The following KATNIP variants were observed in gnomAD, a reference collection of about 807,000 sequenced individuals.
KATNIP encodes katanin-interacting protein.
In KATNIP, 126 loss-of-function variants were observed where a neutral mutation model predicts 174.0. The ratio of observed to expected loss-of-function variants is 0.72; its 90% CI spans 0.63 to 0.84. KATNIP has a LOEUF of 0.84. KATNIP is among the 40% of genes least tolerant of loss of function. KATNIP has a pLI of 0.00. For missense variants in KATNIP, 1,958 were observed against 2,109.7 expected (o/e 0.93, Z 1.41); for synonymous variants, 810 against 835.7 (o/e 0.97, Z 0.53).
chr16:27,692,868 A>C (rs2078784816), intron 8 of KATNIP, among the ~76,000 whole-genome samples: 1 of 152,206 alleles, frequency 6.6e-6, no homozygotes, highest in Non-Finnish European at 1.5e-5. Flanking sequence ...AGAAGCTCAC[A>C]GCATAGTGCA....
intron 12 of KATNIP, among the ~76,000 whole-genome samples, chr16:27,707,572 G>A (rs927124779): frequency 6.6e-6 from 1 of 152,242 alleles, no homozygotes; most frequent in Non-Finnish European, 1.5e-5. Flanking sequence ...CAACCAGGCC[G>A]AGGGATGTCA....
chr16:27,757,723 C>T (rs556226986), intron 18 of KATNIP, among the ~76,000 whole-genome samples: 2 of 152,308 alleles, frequency 1.3e-5, no homozygotes, highest in South Asian at 4.1e-4. Context: ...CTCTCTGAAC[C>T]TTTGGCTTTT....
chr16:27,687,241 A>C (rs1396663570), intron 8 of KATNIP: 1 of 152,064 alleles, frequency 6.6e-6, no homozygotes, highest in Non-Finnish European at 1.5e-5. Flanking sequence ...TCTCCAGTCT[A>C]CTATATCCCT....
At chr16:27,558,596 G>A (rs1212940266) in intron 1 of KATNIP, among the ~76,000 whole-genome samples, 1 of 152,218 alleles carries the variant, frequency 6.6e-6, no homozygotes, top group Non-Finnish European at 1.5e-5. Flanking sequence ...CTTTCCCAAA[G>A]CAGTGTGGCC....
intron 5 of KATNIP, among the ~76,000 whole-genome samples, chr16:27,636,682 C>G (rs1354081380): frequency 6.6e-6 from 1 of 152,024 alleles, no homozygotes; most frequent in Non-Finnish European, 1.5e-5. Flanking sequence ...GCTGAGTAAC[C>G]TCTCTGAGCT....
chr16:27,678,133 C>A, intron 7 of KATNIP, 137 bp downstream of exon 7: 1 of 975,258 alleles, frequency 1.0e-6, no homozygotes, highest in South Asian at 1.7e-5. Flanking sequence ...TCAGTCAGGT[C>A]TCTGTTGATT....
At chr16:27,615,026 A>G (rs1223872663) in intron 2 of KATNIP, among the ~76,000 whole-genome samples, 2 of 152,342 alleles carry the variant, frequency 1.3e-5, no homozygotes, top group Non-Finnish European at 2.9e-5. Context: ...ACCTTCCACA[A>G]TTGAGGGCAC....
chr16:27,632,934 G>C (rs1356073468), intron 5 of KATNIP, among the ~76,000 whole-genome samples: 1 of 151,966 alleles, frequency 6.6e-6, no homozygotes, highest in Admixed American at 6.6e-5. Context: ...ATTTTTAATA[G>C]AGACTGGGTT....
Position 27,750,200 on chromosome 16 carries a change from A to T in KATNIP, c.3240A>T (p.Lys1080Asn), listed in dbSNP as rs2081451228. 2 of 1,613,916 alleles carry T rather than the reference A, an allele frequency of 1.2e-6. No individual in the cohort carries two copies. Among genetic ancestry groups the T allele is most frequent in the African/African-American group, 2.7e-5 (2 of 74,858 alleles). ...VALIRIWNYN[K>N]SRIHSFRGVK... The stretch of plus-strand genomic sequence containing the variant: ...TGATCAGAATTTGGAACTACAATAA[A>T]TCTCGGATACATTCCTTCCGAGGCG... Residue 1080 changes from lysine to asparagine, a missense_variant, in exon 16 of 28, where the codon AAA (lysine) becomes AAT (asparagine). By Grantham distance (94) the Lys-to-Asn change is moderately conservative. Transcript: ENST00000261588.
At chr16:27,678,659 A>G (rs533567325) in intron 7 of KATNIP, among the ~76,000 whole-genome samples, 9 of 152,240 alleles carry the variant, frequency 5.9e-5, no homozygotes. Flanking sequence ...ACACGGGGTC[A>G]CATGCTGTCT....
At chr16:27,752,100 A>G (rs2081543957) in intron 17 of KATNIP, among the ~76,000 whole-genome samples, 176 bp downstream of exon 17, 1 of 152,054 alleles carries the variant, frequency 6.6e-6, no homozygotes. Context: ...TCATTCTCTA[A>G]TTATTTTTAT....
chr16:27,741,004 A>T (rs929828281), intron 15 of KATNIP, 84 bp downstream of exon 15: 14 of 1,333,342 alleles, frequency 1.0e-5, no homozygotes, highest in Middle Eastern at 2.6e-4. Flanking sequence ...CCTGGACCTC[A>T]GTTTCCTTAT....
chr16:27,709,554 C>A (rs1238732503), intron 13 of KATNIP, among the ~76,000 whole-genome samples: 4 of 152,128 alleles, frequency 2.6e-5, no homozygotes, highest in Non-Finnish European at 4.4e-5. Flanking sequence ...ACCCAGGAGG[C>A]AGAGGTTACA....
intron 2 of KATNIP, among the ~76,000 whole-genome samples, chr16:27,611,332 G>T (rs1411209781): frequency 6.6e-6 from 1 of 152,120 alleles, no homozygotes; most frequent in Non-Finnish European, 1.5e-5. Flanking sequence ...TTTTTTCAGG[G>T]TTCTCACACC....
chr16:27,754,242 C>G lies in KATNIP; in HGVS notation c.3622C>G (p.His1208Asp). The G allele has an allele frequency of 6.2e-7, 1 of 1,613,894 alleles. No homozygotes were observed. The highest frequency in any genetic ancestry group is 2.2e-5 in the East Asian group (1 of 44,876). ...CACCACGCCAGAGCCAGGCATCTAC[C>G]ACGGAATCTGTGAGTAGCTCTCCTG... The part of the protein sequence containing the change: ...QVTTPEPGIY[H>D]GICLQLNFTA... The change falls in exon 18 of 28, where the codon CAC becomes GAC. Residue 1208 changes from histidine to aspartate, a missense_variant. Around this residue, in one of 3 missense-constraint regions of KATNIP, gnomAD observed 1,557 missense variants for 1,617.8 expected, o/e 0.96. Transcript: ENST00000261588.
At chr16:27,768,202 T>C (rs959057782) in intron 20 of KATNIP, among the ~76,000 whole-genome samples, 1 of 152,224 alleles carries the variant, frequency 6.6e-6, no homozygotes, top group Non-Finnish European at 1.5e-5. Context: ...CAGGGGTCCC[T>C]GACATGTGGT....
At chr16:27,673,664 C>T (rs895279222) in intron 6 of KATNIP, among the ~76,000 whole-genome samples, 1 of 152,176 alleles carries the variant, frequency 6.6e-6, no homozygotes, top group African/African-American at 2.4e-5. Flanking sequence ...ACCTCTCCCC[C>T]AGTTGTGATC....
At chr16:27,757,466 T>TCTG in intron 18 of KATNIP, 1 of 982,964 alleles carries the variant, frequency 1.0e-6, no homozygotes, top group Non-Finnish European at 1.2e-6. Context: ...GCAGCCACTG[T>TCTG]CCCCTTCATC....
chr16:27,576,547 G>A (rs1302568970), intron 2 of KATNIP, among the ~76,000 whole-genome samples: 2 of 152,058 alleles, frequency 1.3e-5, no homozygotes, highest in Non-Finnish European at 2.9e-5. Flanking sequence ...AGGCCAAGGT[G>A]GGTGGATTAC....
Sources: allele counts gnomAD v4.1 joint callset (sites outside exome capture counted in the v4.1 genomes callset), GRCh38; gene constraint gnomAD v4.1.1; regional missense constraint gnomAD v4.1.1; transcripts MANE v1.5; gene names NCBI Gene and HGNC (gene_info 2026-07-23, HGNC 2026-07-21).